HS6ST3: variants seen among roughly 807,000 people sequenced by gnomAD.
The protein encoded by HS6ST3 is heparan sulfate 6-O-sulfotransferase 3.
In HS6ST3, 12 loss-of-function variants were observed where a neutral mutation model predicts 36.7. That is an observed-to-expected ratio of 0.33 (90% CI 0.21 to 0.53). The LOEUF (loss-of-function observed/expected upper bound fraction) is 0.53, where lower values mean the gene tolerates loss of function less well. Ranked by LOEUF, HS6ST3 falls within the 20% of genes least tolerant of loss-of-function variation. The probability of loss-of-function intolerance (pLI) is 0.95; values close to 1 mark genes in which losing one functional copy is unlikely to be tolerated. For synonymous variants in HS6ST3, 240 were observed against 257.5 expected, an observed-to-expected ratio of 0.93 and a Z score of 0.65; for missense variants, 584 against 640.9, an observed-to-expected ratio of 0.91 and a Z score of 0.96.
At chr13:96,330,994 A>G (rs924697098) in intron 1 of HS6ST3, among the ~76,000 whole-genome samples, 3 of 151,992 alleles carry the variant, frequency 2.0e-5, no homozygotes, top group African/African-American at 7.2e-5. Context: ...AGGCTTCTGC[A>G]TTCTTCACGT....
intron 1 of HS6ST3, among the ~76,000 whole-genome samples, chr13:96,793,530 A>G (rs1418594838): frequency 1.3e-5 from 2 of 152,048 alleles, no homozygotes; most frequent in Admixed American, 1.3e-4. Flanking sequence ...GTGAAATACA[A>G]AACAGCCCAG....
In HS6ST3 at chr13:96,488,608, A is replaced by C. The variant is rs145020051; in HGVS notation, c.708-343882A>C. On this transcript the variant is annotated intron_variant, in intron 1 of 1. Coordinates refer to ENST00000376705, the MANE Select transcript of HS6ST3 (RefSeq NM_153456.4). ...TTGTTGTCTAGTTTTTTCGCCCTAA[A>C]GTGGTTGGCTGTTTATGAAGATTAG... 6.0e-4 allele frequency among the ~76,000 whole-genome samples: 92 copies of C among 152,156 alleles called. 1 individual carries two copies. In the East Asian group the frequency reaches 0.018, roughly 29 times the overall value.
At chr13:96,664,577 C>T (rs1052896705) in intron 1 of HS6ST3, among the ~76,000 whole-genome samples, 3 of 152,096 alleles carry the variant, frequency 2.0e-5, no homozygotes, top group Admixed American at 2.0e-4. Flanking sequence ...TCTTCAAAAC[C>T]CCATCTTCCT....
At chr13:96,533,363 T>C (rs943009856) in intron 1 of HS6ST3, among the ~76,000 whole-genome samples, 1 of 152,180 alleles carries the variant, frequency 6.6e-6, no homozygotes, top group Non-Finnish European at 1.5e-5. Context: ...CTGTATGTTA[T>C]TGACAAATAA....
chr13:96,221,182 G>C (rs1323627747), intron 1 of HS6ST3, among the ~76,000 whole-genome samples: 1 of 152,130 alleles, frequency 6.6e-6, no homozygotes, highest in Non-Finnish European at 1.5e-5. Context: ...AAACTACTTT[G>C]TGATACTTCT....
At chr13:96,463,426 C>T (rs1190299273) in intron 1 of HS6ST3, among the ~76,000 whole-genome samples, 1 of 151,906 alleles carries the variant, frequency 6.6e-6, no homozygotes, top group African/African-American at 2.4e-5. Flanking sequence ...TGGGTGCCTG[C>T]CTCCATACCA....
At chr13:96,443,454 C>G (rs191728101) in intron 1 of HS6ST3, among the ~76,000 whole-genome samples, 1 of 141,482 alleles carries the variant, frequency 7.1e-6, no homozygotes, top group Non-Finnish European at 1.5e-5. Flanking sequence ...GGCATGAACC[C>G]GGGAGGCAGA....
intron 1 of HS6ST3, among the ~76,000 whole-genome samples, chr13:96,722,098 T>C (rs1875864209): frequency 6.6e-6 from 1 of 152,052 alleles, no homozygotes; most frequent in Non-Finnish European, 1.5e-5. Context: ...AAACCTCGTC[T>C]CTACTAAAAA....
At chr13:96,408,432 T>C (rs2055489887) in intron 1 of HS6ST3, among the ~76,000 whole-genome samples, 1 of 152,192 alleles carries the variant, frequency 6.6e-6, no homozygotes, top group African/African-American at 2.4e-5. Flanking sequence ...AGCTACAATA[T>C]GGTAGCTTTA....
intron 1 of HS6ST3, among the ~76,000 whole-genome samples, chr13:96,290,873 G>A (rs1379158513): frequency 1.3e-5 from 2 of 152,096 alleles, no homozygotes; most frequent in Non-Finnish European, 2.9e-5. Flanking sequence ...CCTACCTCCA[G>A]CCACAACTGA....
intron 1 of HS6ST3, among the ~76,000 whole-genome samples, chr13:96,377,961 A>G (rs562862423): frequency 3.3e-5 from 5 of 152,328 alleles, no homozygotes; most frequent in Admixed American, 3.3e-4. Flanking sequence ...AGAAATTTCC[A>G]AAGGAAGCCT....
chr13:96,551,970 C>A (rs547710910), intron 1 of HS6ST3, among the ~76,000 whole-genome samples: 19 of 152,136 alleles, frequency 1.2e-4, no homozygotes, highest in Non-Finnish European at 2.5e-4. Flanking sequence ...AACTGTAAAC[C>A]TGCCAACTTT....
chr13:96,725,819 CT>C (rs758198373), intron 1 of HS6ST3, among the ~76,000 whole-genome samples: 4 of 151,532 alleles, frequency 2.6e-5, no homozygotes, highest in Non-Finnish European at 5.9e-5. Flanking sequence ...TATGATATGT[CT>C]TTTTTTTAAT....
chr13:96,543,610 T>C (rs1218951509), intron 1 of HS6ST3, among the ~76,000 whole-genome samples: 1 of 152,170 alleles, frequency 6.6e-6, no homozygotes, highest in African/African-American at 2.4e-5. Context: ...TTACTATTAA[T>C]ATTTTTCCCC....
intron 1 of HS6ST3, among the ~76,000 whole-genome samples, chr13:96,777,863 CA>C (rs1181529236): frequency 6.6e-6 from 1 of 152,050 alleles, no homozygotes. Context: ...CTCGTATAGC[CA>C]AGACAATCCT....
intron 1 of HS6ST3, among the ~76,000 whole-genome samples, chr13:96,421,412 A>G (rs1305330): frequency 0.91 from 137,886 of 152,262 alleles, 62,777 homozygotes; most frequent in African/African-American, 0.97. Flanking sequence ...TGCTGAAGTT[A>G]CATTGCAAAT....
In HS6ST3 at chr13:96,374,714, C is replaced by G. The variant is rs79985124; in HGVS notation, c.707+283145C>G. On this transcript the variant is annotated intron_variant, in intron 1 of 1. Transcript: ENST00000376705. ...GCCTGCAGGCATCACAAAAAGGTCA[C>G]TATACATCAGAGAACAAGGAGTTCT... 1.0e-2 allele frequency among the ~76,000 whole-genome samples: 1,517 copies of G among 152,226 alleles called. 19 individuals carry two copies. Among genetic ancestry groups the G allele is most frequent in the African/African-American group, 0.035 (1,448 of 41,544 alleles).
chr13:96,233,240 A>C lies in HS6ST3; in HGVS notation c.707+141671A>C, dbSNP rs142197182. 2.6e-5 allele frequency among the ~76,000 whole-genome samples: 4 copies of C among 152,332 alleles called. No individual in the cohort carries two copies. In the East Asian group the frequency reaches 5.8e-4, roughly 22 times the overall value. On this transcript the variant is annotated intron_variant, in intron 1 of 1. Transcript: ENST00000376705. ...CCACTATTAGGCTAGCAAGAGTAGA[A>C]TTTCCATCCAGAAAAAGGACTTTTT...
At chr13:96,799,317 A>T (rs896750338) in intron 1 of HS6ST3, among the ~76,000 whole-genome samples, 1 of 152,044 alleles carries the variant, frequency 6.6e-6, no homozygotes, top group Non-Finnish European at 1.5e-5. Flanking sequence ...CTGGTGTGAG[A>T]TGGTATCTCA....
Sources: gnomAD v4.1 joint callset for allele counts (sites outside exome capture counted in the v4.1 genomes callset) on GRCh38, gnomAD v4.1.1 for gene constraint, MANE v1.5 for transcripts, NCBI Gene and HGNC (gene_info 2026-07-23, HGNC 2026-07-21) for gene names.